FSTL4: variants seen among roughly 807,000 people sequenced by gnomAD.
The protein encoded by FSTL4 is follistatin like 4, also known as follistatin-related protein 4.
Under a neutral mutation model 78.2 loss-of-function variants are expected in FSTL4, and 28 were observed. The observed-to-expected ratio is 0.36, with a 90% CI of 0.27 to 0.49. The LOEUF (loss-of-function observed/expected upper bound fraction) is 0.49, where lower values mean the gene tolerates loss of function less well. Among genes scored for constraint, FSTL4 ranks in the 20% least tolerant of loss-of-function variants. The pLI, the probability that FSTL4 is intolerant of heterozygous loss-of-function variation, is 0.98. For missense variants in FSTL4, 922 were observed against 1,084.9 expected (o/e 0.85, Z 2.11); for synonymous variants, 422 against 440.5 (o/e 0.96, Z 0.53).
At chr5:133,717,315 A>G in the FSTL4 span, among the ~76,000 whole-genome samples, 1 of 152,242 alleles carries the variant, frequency 6.6e-6, no homozygotes, top group Non-Finnish European at 1.5e-5. Flanking sequence ...GAGGCCTGTG[A>G]GAACAACATT....
At chr5:133,277,931 C>T (rs1323120057) in intron 6 of FSTL4, among the ~76,000 whole-genome samples, 3 of 152,208 alleles carry the variant, frequency 2.0e-5, no homozygotes, top group Non-Finnish European at 1.5e-5. Context: ...GGGATTTCAT[C>T]ACCCTCTGCC....
the FSTL4 span, among the ~76,000 whole-genome samples, chr5:133,807,134 CG>C: frequency 6.6e-6 from 1 of 152,220 alleles, no homozygotes; most frequent in African/African-American, 2.4e-5. Context: ...TCACATTAAG[CG>C]GTCTGCTGGG....
At chr5:133,452,370 T>C (rs1490118508) in intron 3 of FSTL4, among the ~76,000 whole-genome samples, 1 of 152,244 alleles carries the variant, frequency 6.6e-6, no homozygotes, top group Non-Finnish European at 1.5e-5. Flanking sequence ...TGTGTTTCAC[T>C]GAGCAATGAG....
intron 8 of FSTL4, 146 bp downstream of exon 8, chr5:133,233,271 G>A (rs1301169441): frequency 3.2e-6 from 3 of 927,346 alleles, no homozygotes; most frequent in Admixed American, 2.4e-5. Flanking sequence ...TTTCCACACG[G>A]TTCCCCTTTA....
the FSTL4 span, among the ~76,000 whole-genome samples, chr5:133,810,956 C>CT: frequency 6.6e-6 from 1 of 152,182 alleles, no homozygotes; most frequent in African/African-American, 2.4e-5. Context: ...TTACAGGCTG[C>CT]TTTTTGTTAG....
chr5:133,242,900 C>G (rs2126814728), intron 7 of FSTL4, among the ~76,000 whole-genome samples: 1 of 152,188 alleles, frequency 6.6e-6, no homozygotes, highest in East Asian at 1.9e-4. Flanking sequence ...GCAAACAGCT[C>G]TCCATGCTAA....
intron 4 of FSTL4, among the ~76,000 whole-genome samples, chr5:133,393,635 G>A (rs1294635278): frequency 2.6e-5 from 4 of 152,248 alleles, no homozygotes; most frequent in African/African-American, 9.6e-5. Context: ...GAGAGAAAGT[G>A]GAGGCCAGCT....
the FSTL4 span, among the ~76,000 whole-genome samples, chr5:133,803,674 A>C: frequency 6.6e-6 from 1 of 152,150 alleles, no homozygotes; most frequent in Non-Finnish European, 1.5e-5. Flanking sequence ...TGGTACTCCC[A>C]CCCACTCTTC....
intron 2 of FSTL4, among the ~76,000 whole-genome samples, chr5:133,570,645 TA>T (rs1760135751): frequency 1.3e-5 from 2 of 152,314 alleles, no homozygotes; most frequent in Non-Finnish European, 2.9e-5. Context: ...TTTTATGAGA[TA>T]AACTTCTTCT....
At chr5:133,673,728 A>G in the FSTL4 span, among the ~76,000 whole-genome samples, 4 of 152,188 alleles carry the variant, frequency 2.6e-5, no homozygotes, top group Non-Finnish European at 4.4e-5. Context: ...CAGGAAATAA[A>G]TAAAACATCT....
At chr5:133,412,644 C>G (rs566176329) in intron 3 of FSTL4, among the ~76,000 whole-genome samples, 15 of 152,260 alleles carry the variant, frequency 9.9e-5, no homozygotes, top group Middle Eastern at 6.8e-3. Context: ...AGAAAAAGAA[C>G]GGTGTCTTTC....
intron 3 of FSTL4, among the ~76,000 whole-genome samples, chr5:133,408,710 C>T (rs73788075): frequency 0.012 from 1,871 of 152,314 alleles, 38 homozygotes; most frequent in African/African-American, 0.042. Context: ...TCCTTCACAG[C>T]TGATAGTTGT....
chr5:133,828,816 G>A, the FSTL4 span, among the ~76,000 whole-genome samples: 620 of 152,356 alleles, frequency 4.1e-3, 7 homozygotes, highest in African/African-American at 0.014. Flanking sequence ...TTCTAGCAAA[G>A]ATGATGCAAA....
At chr5:133,427,084 G>A (rs975602873) in intron 3 of FSTL4, among the ~76,000 whole-genome samples, 6 of 152,106 alleles carry the variant, frequency 3.9e-5, no homozygotes, top group African/African-American at 1.4e-4. Flanking sequence ...TGTCACCACT[G>A]GAGAACACAC....
chr5:133,473,358 T>C (rs1348425588), intron 3 of FSTL4, among the ~76,000 whole-genome samples: 1 of 152,188 alleles, frequency 6.6e-6, no homozygotes, highest in Non-Finnish European at 1.5e-5. Flanking sequence ...GGCCCTTTGG[T>C]CGTGACTGGA....
intron 4 of FSTL4, among the ~76,000 whole-genome samples, chr5:133,344,155 C>T (rs1317672469): frequency 2.6e-5 from 4 of 152,106 alleles, no homozygotes; most frequent in African/African-American, 9.7e-5. Flanking sequence ...TAATATGGCA[C>T]CACTTTCTTG....
At chr5:133,778,604 C>T in the FSTL4 span, among the ~76,000 whole-genome samples, 5 of 152,142 alleles carry the variant, frequency 3.3e-5, no homozygotes, top group Non-Finnish European at 5.9e-5. Context: ...GGTGACACAC[C>T]GTCCACTCAG....
chr5:133,255,348 A>T (rs185749165), intron 6 of FSTL4, among the ~76,000 whole-genome samples: 62 of 152,336 alleles, frequency 4.1e-4, no homozygotes, highest in Admixed American at 9.1e-4. Context: ...GAGAACTGAC[A>T]TTGGAGAGCT....
intron 6 of FSTL4, among the ~76,000 whole-genome samples, chr5:133,289,304 T>C (rs1042909544): frequency 6.6e-6 from 1 of 152,234 alleles, no homozygotes; most frequent in African/African-American, 2.4e-5. Flanking sequence ...TTCTCTTGCC[T>C]TGAAGTAGAG....
Sources: gnomAD v4.1 joint callset for allele counts (sites outside exome capture counted in the v4.1 genomes callset) on GRCh38, gnomAD v4.1.1 for gene constraint, MANE v1.5 for transcripts, NCBI Gene and HGNC (gene_info 2026-07-23, HGNC 2026-07-21) for gene names.